XNDC1N: variants seen among roughly 807,000 people sequenced by gnomAD.
XNDC1N encodes XRCC1 N-terminal domain containing 1, N-terminal like.
chr11:71,888,335 C>T, the XNDC1N span, among the ~76,000 whole-genome samples: 1 of 152,142 alleles, frequency 6.6e-6, no homozygotes, highest in Non-Finnish European at 1.5e-5. Flanking sequence ...TTCTTAGGAG[C>T]TGTGGGGTTT....
At chr11:71,913,861 C>G in the XNDC1N span, among the ~76,000 whole-genome samples, 2 of 152,148 alleles carry the variant, frequency 1.3e-5, no homozygotes, top group Non-Finnish European at 2.9e-5. Context: ...GAGAATTATG[C>G]TGAATCTACT....
the XNDC1N span, among the ~76,000 whole-genome samples, chr11:71,907,434 C>T: frequency 1.4e-5 from 2 of 146,874 alleles, no homozygotes; most frequent in African/African-American, 4.9e-5. Flanking sequence ...GGCGAGGAGC[C>T]CCCCACGATG....
chr11:71,917,001 A>ATATTATTATTATTATTATTAT, the XNDC1N span: 61 of 176,092 alleles, frequency 3.5e-4, no homozygotes, highest in African/African-American at 1.4e-3. Flanking sequence ...CCACAAAAAC[A>ATATTATTATTATTATTATTAT]TATTATTGTT....
the XNDC1N span, among the ~76,000 whole-genome samples, chr11:71,871,212 C>T: frequency 1.3e-5 from 2 of 152,050 alleles, no homozygotes; most frequent in Non-Finnish European, 2.9e-5. Context: ...AGAAAAGAAA[C>T]TTTTTTATTT....
At chr11:71,910,013 C>T in the XNDC1N span, among the ~76,000 whole-genome samples, 1 of 152,164 alleles carries the variant, frequency 6.6e-6, no homozygotes, top group Non-Finnish European at 1.5e-5. Context: ...GAAGACAACT[C>T]TCCGGGATTG....
chr11:71,918,528 C>G, the XNDC1N span, among the ~76,000 whole-genome samples: 1 of 152,150 alleles, frequency 6.6e-6, no homozygotes, highest in South Asian at 2.1e-4. Flanking sequence ...GGGATCCTCC[C>G]GCCTTCGCCT....
chr11:71,875,069 A>G, the XNDC1N span, among the ~76,000 whole-genome samples: 1 of 152,338 alleles, frequency 6.6e-6, no homozygotes, highest in East Asian at 1.9e-4. Flanking sequence ...GGACAATCTC[A>G]TAACATTTAA....
chr11:71,875,646 C>T, the XNDC1N span, among the ~76,000 whole-genome samples: 21 of 151,880 alleles, frequency 1.4e-4, no homozygotes, highest in Non-Finnish European at 2.8e-4. Context: ...AAACTAAATA[C>T]AGGAAAGTCA....
chr11:71,908,768 G>A, the XNDC1N span, among the ~76,000 whole-genome samples: 1 of 152,166 alleles, frequency 6.6e-6, no homozygotes, highest in African/African-American at 2.4e-5. Flanking sequence ...CTCTTTAACA[G>A]CGAAGAAAGG....
At chr11:71,905,042 A>G in the XNDC1N span, among the ~76,000 whole-genome samples, 9 of 151,988 alleles carry the variant, frequency 5.9e-5, no homozygotes, top group African/African-American at 2.2e-4. Context: ...ACATCTCTTT[A>G]GGATATTACC....
At chr11:71,891,502 AG>A in the XNDC1N span, among the ~76,000 whole-genome samples, 1 of 151,984 alleles carries the variant, frequency 6.6e-6, no homozygotes, top group African/African-American at 2.4e-5. Context: ...CAGATCACAA[AG>A]GGGTTGTACA....
the XNDC1N span, among the ~76,000 whole-genome samples, chr11:71,872,275 A>C: frequency 2.6e-5 from 4 of 152,198 alleles, no homozygotes; most frequent in African/African-American, 9.7e-5. Flanking sequence ...CACCCAGTTA[A>C]GCCTCATCCC....
the XNDC1N span, among the ~76,000 whole-genome samples, chr11:71,888,096 T>C: frequency 6.6e-6 from 1 of 152,150 alleles, no homozygotes; most frequent in Non-Finnish European, 1.5e-5. Flanking sequence ...GATGACCTTC[T>C]GCTGGGACAC....
chr11:71,879,775 C>T, the XNDC1N span, among the ~76,000 whole-genome samples: 13 of 152,158 alleles, frequency 8.5e-5, no homozygotes, highest in South Asian at 2.1e-4. Context: ...CTAGCAACCA[C>T]TGATCTAATT....
the XNDC1N span, among the ~76,000 whole-genome samples, chr11:71,878,192 C>T: frequency 6.6e-6 from 1 of 152,356 alleles, no homozygotes; most frequent in East Asian, 1.9e-4. Context: ...AAGTCTCTCT[C>T]CTGCCTTTGC....
the XNDC1N span, among the ~76,000 whole-genome samples, chr11:71,901,060 C>A: frequency 6.6e-6 from 1 of 152,142 alleles, no homozygotes; most frequent in Non-Finnish European, 1.5e-5. Flanking sequence ...GTGGGTGCCA[C>A]AATCACTGTG....
At chr11:71,918,282 G>T in the XNDC1N span, among the ~76,000 whole-genome samples, 2 of 152,028 alleles carry the variant, frequency 1.3e-5, no homozygotes, top group Non-Finnish European at 2.9e-5. Flanking sequence ...TATTTGTTGG[G>T]ATTTATTTTT....
chr11:71,873,738 A>T, the XNDC1N span, among the ~76,000 whole-genome samples: 1 of 152,228 alleles, frequency 6.6e-6, no homozygotes, highest in Non-Finnish European at 1.5e-5. Context: ...GGAAAAAAAT[A>T]TCGGAGAAAT....
At chr11:71,896,049 A>G in the XNDC1N span, among the ~76,000 whole-genome samples, 5 of 152,336 alleles carry the variant, frequency 3.3e-5, no homozygotes, top group African/African-American at 1.2e-4. Context: ...AGGCCGAGTC[A>G]CACAGATCAC....
Sources: gnomAD v4.1 joint callset for allele counts (sites outside exome capture counted in the v4.1 genomes callset) on GRCh38, gnomAD v4.1.1 for gene constraint, MANE v1.5 for transcripts, NCBI Gene and HGNC (gene_info 2026-07-23, HGNC 2026-07-21) for gene names.